Variants in TRIM24 observed in about 807,000 individuals in gnomAD.
TRIM24 encodes tripartite motif containing 24.
A neutral mutation model predicts 123.9 loss-of-function variants in TRIM24; 29 were observed. The observed-to-expected ratio is 0.23, with a 90% CI of 0.17 to 0.32. TRIM24 has a LOEUF of 0.32. Among genes scored for constraint, TRIM24 ranks in the 10% least tolerant of loss-of-function variants. TRIM24 has a pLI of 1.00. For missense variants in TRIM24, 932 were observed against 1,295.3 expected, an observed-to-expected ratio of 0.72 and a Z score of 4.31; for synonymous variants, 456 against 461.1, an observed-to-expected ratio of 0.99 and a Z score of 0.14.
intron 9 of TRIM24, 57 bp from the exon 10 acceptor site, chr7:138,567,424 A>G (rs1014523416): frequency 2.0e-6 from 3 of 1,485,566 alleles, no homozygotes; most frequent in Admixed American, 4.2e-5. Flanking sequence ...ATAGAGATTT[A>G]TAATTTGTTT....
At chr7:138,536,100 T>G (rs1796866993) in intron 6 of TRIM24, among the ~76,000 whole-genome samples, 1 of 152,194 alleles carries the variant, frequency 6.6e-6, no homozygotes, top group Non-Finnish European at 1.5e-5. Context: ...CACTGGTTAT[T>G]CTAGTTAGCC....
chr7:138,508,700 C>CGCGCGCGTGTGTGT (rs1182276337), intron 2 of TRIM24, among the ~76,000 whole-genome samples: 5 of 35,574 alleles, frequency 1.4e-4, no homozygotes, highest in South Asian at 1.9e-3. Context: ...TGTGCGCGCG[C>CGCGCGCGTGTGTGT]GTGTGTGCGT....
At position 138,576,601 on chromosome 7, in the gene TRIM24, T is replaced by G. The variant is rs546350364; in HGVS notation, c.2087+156T>G. Among the ~76,000 whole-genome samples, 17 of 152,260 alleles carry G rather than the reference T, an allele frequency of 1.1e-4. No individual in the cohort carries two copies. In the East Asian group the frequency reaches 3.3e-3, roughly 29 times the overall value. ...ACTACTATATATTTTAATGAATTAGTTAAGGGATTAACAAAAGTACAAATT... is the reference window on the plus strand; with the variant it reads ...ACTACTATATATTTTAATGAATTAGGTAAGGGATTAACAAAAGTACAAATT... On this transcript the variant is annotated intron_variant, in intron 13 of 18. Transcript: ENST00000343526.
chr7:138,529,514 G>A (rs1017968328), intron 6 of TRIM24, among the ~76,000 whole-genome samples: 7 of 152,244 alleles, frequency 4.6e-5, no homozygotes, highest in Non-Finnish European at 7.4e-5. Flanking sequence ...AGTTATTTTC[G>A]AGATGCACTG....
chr7:138,504,438 C>G (rs773953167), intron 2 of TRIM24, 30 bp downstream of exon 2: 1 of 942,404 alleles, frequency 1.1e-6, no homozygotes, highest in African/African-American at 1.8e-5. Context: ...AACCTTTTGC[C>G]TGCCAGCTCT....
intron 1 of TRIM24, among the ~76,000 whole-genome samples, chr7:138,482,873 G>A (rs1167664832): frequency 2.0e-5 from 3 of 152,074 alleles, no homozygotes; most frequent in Non-Finnish European, 4.4e-5. Context: ...AAAATGCTGA[G>A]AGCTTTTGGC....
intron 1 of TRIM24, among the ~76,000 whole-genome samples, chr7:138,475,560 C>T (rs763998948): frequency 1.3e-5 from 2 of 152,132 alleles, no homozygotes; most frequent in Non-Finnish European, 2.9e-5. Flanking sequence ...CTTGCTCTCT[C>T]GCCCTGGCTA....
At chr7:138,470,826 A>G (rs1795257976) in intron 1 of TRIM24, among the ~76,000 whole-genome samples, 2 of 152,228 alleles carry the variant, frequency 1.3e-5, no homozygotes, top group African/African-American at 2.4e-5. Context: ...GTCCTATAGA[A>G]AGCTGTAGCT....
At chr7:138,516,874 C>T (rs1272619834) in intron 3 of TRIM24, among the ~76,000 whole-genome samples, 7 of 147,944 alleles carry the variant, frequency 4.7e-5, no homozygotes, top group Non-Finnish European at 1.0e-4. Flanking sequence ...TTTGGGAGGC[C>T]GAAGTGGGAT....
intron 1 of TRIM24, among the ~76,000 whole-genome samples, chr7:138,485,194 GTT>G (rs1327377006): frequency 2.0e-5 from 3 of 151,820 alleles, no homozygotes; most frequent in Non-Finnish European, 2.9e-5. Flanking sequence ...CCTTGTCAAT[GTT>G]TTGAGTACTT....
chr7:138,460,665 G>T lies in TRIM24; in HGVS notation c.117G>T (p.Pro39=), dbSNP rs1584675701. The T allele has an allele frequency of 6.6e-7, 1 of 1,505,954 alleles. No individual in the cohort carries two copies. 93.3% of individuals were successfully genotyped at this position (1,505,954 alleles called of 1,614,324 possible). Residue 39 remains proline (P), a synonymous_variant, in exon 1 of 19, where the codon CCG becomes CCT. Coordinates refer to ENST00000343526, the MANE Select transcript of TRIM24 (RefSeq NM_015905.3). ...GENEAESRQG[P]DSERGGEAAR... ...ACGAGGCCGAGAGTCGGCAGGGCCC[G>T]GACTCGGAGCGCGGCGGCGAGGCGG...
intron 2 of TRIM24, among the ~76,000 whole-genome samples, chr7:138,505,294 A>G (rs1796127559): frequency 1.3e-5 from 2 of 152,192 alleles, no homozygotes; most frequent in Admixed American, 6.5e-5. Flanking sequence ...TATATTTGAC[A>G]TTACTTCATT....
At chr7:138,545,582 C>A in intron 7 of TRIM24, 6 of 454,592 alleles carry the variant, frequency 1.3e-5, no homozygotes, top group South Asian at 9.3e-5. Flanking sequence ...GGACTCAGAT[C>A]TAGCAATAAT....
At position 138,589,229 on chromosome 7, in the gene TRIM24, A is replaced by T. The variant is rs1798066493; in HGVS notation, c.*4278A>T. ...TGGTGTCATGTTTCTGAGTGAGAAT[A>T]ATGCTAGTCAGTCAGATCACAGATT... On this transcript the variant is annotated 3_prime_UTR_variant, in exon 19 of 19. Transcript: ENST00000343526. The T allele has an allele frequency of 1.3e-5, 2 of 152,156 alleles. No homozygotes were observed. Among genetic ancestry groups the T allele is most frequent in the South Asian group, 4.1e-4 (2 of 4,820 alleles). The allele number at this position is 152,156 out of a possible 1,614,324, so 9.4% of individuals were successfully genotyped here.
chr7:138,582,338 A>C (rs537483157), intron 17 of TRIM24, among the ~76,000 whole-genome samples: 36 of 151,962 alleles, frequency 2.4e-4, no homozygotes, highest in African/African-American at 6.8e-4. Flanking sequence ...GTCAGGAGAT[A>C]GAGACCATCC....
intron 7 of TRIM24, among the ~76,000 whole-genome samples, chr7:138,539,116 A>G (rs1161932127): frequency 6.6e-6 from 1 of 152,144 alleles, no homozygotes; most frequent in Non-Finnish European, 1.5e-5. Flanking sequence ...ACTAATTCTA[A>G]GAATTTCCAT....
At chr7:138,463,986 A>G (rs1395969622) in intron 1 of TRIM24, among the ~76,000 whole-genome samples, 39 of 47,992 alleles carry the variant, frequency 8.1e-4, no homozygotes, top group Non-Finnish European at 1.4e-3. Flanking sequence ...GCAAAAATTT[A>G]GACTTTTTTT....
At chr7:138,572,735 C>A (rs527895981) in intron 11 of TRIM24, among the ~76,000 whole-genome samples, 1 of 152,300 alleles carries the variant, frequency 6.6e-6, no homozygotes, top group Admixed American at 6.5e-5. Flanking sequence ...AAGAATTGAA[C>A]TGGATTTTAA....
At chr7:138,537,417 G>A (rs780678368) in intron 6 of TRIM24, among the ~76,000 whole-genome samples, 7 of 98,688 alleles carry the variant, frequency 7.1e-5, no homozygotes, top group Non-Finnish European at 1.1e-4. Flanking sequence ...TTGTAAAGAC[G>A]TGGTCTCACT....
Sources: gnomAD v4.1 joint callset for allele counts (sites outside exome capture counted in the v4.1 genomes callset) on GRCh38, gnomAD v4.1.1 for gene constraint, MANE v1.5 for transcripts, NCBI Gene and HGNC (gene_info 2026-07-23, HGNC 2026-07-21) for gene names.